The following TMEM178B variants were observed in gnomAD, a reference collection of about 807,000 sequenced individuals.
TMEM178B encodes the protein transmembrane protein 178B.
A neutral mutation model predicts 31.0 loss-of-function variants in TMEM178B; 5 were observed. The observed-to-expected ratio is 0.16, with a 90% confidence interval of 0.08 to 0.34. The LOEUF (loss-of-function observed/expected upper bound fraction) is 0.34, where lower values mean the gene tolerates loss of function less well. TMEM178B is among the 10% of genes least tolerant of loss of function. The pLI is 1.00. For synonymous variants in TMEM178B, 164 were observed against 164.0 expected, an observed-to-expected ratio of 1.00 and a Z score of 0.00; for missense variants, 275 against 400.3, an observed-to-expected ratio of 0.69 and a Z score of 2.67.
intron 2 of TMEM178B, among the ~76,000 whole-genome samples, chr7:141,249,448 A>G (rs927949375): frequency 6.6e-6 from 1 of 152,200 alleles, no homozygotes; most frequent in Non-Finnish European, 1.5e-5. Context: ...ACGTACTTAT[A>G]CAGTAAATTG....
chr7:141,167,755 A>G (rs926500872), intron 1 of TMEM178B, among the ~76,000 whole-genome samples: 3 of 152,180 alleles, frequency 2.0e-5, no homozygotes, highest in African/African-American at 4.8e-5. Context: ...AAGGCCCTGT[A>G]AAGGAATGCA....
At chr7:141,389,181 C>T (rs1045767164) in intron 2 of TMEM178B, among the ~76,000 whole-genome samples, 3 of 152,180 alleles carry the variant, frequency 2.0e-5, no homozygotes, top group Admixed American at 6.5e-5. Flanking sequence ...GATACCACTA[C>T]TCACGTTAGG....
At position 141,479,070 on chromosome 7, in the gene TMEM178B, A is replaced by G. The variant is rs989949004; in HGVS notation, c.*8284A>G. 8 of 152,180 alleles carry G rather than the reference A, an allele frequency of 5.3e-5. No homozygotes were observed. The highest frequency in any genetic ancestry group is 1.5e-5 in the Non-Finnish European group (1 of 68,058). The allele number at this position is 152,180 out of a possible 1,614,324, so 9.4% of individuals were successfully genotyped here. The stretch of plus-strand genomic sequence containing the variant: ...AGAGGGTGTCGGCGCTGCCCCAGTC[A>G]TGTCCCTTATGACCTGTCCAAGTCC... On this transcript the variant is annotated 3_prime_UTR_variant, in exon 4 of 4. Transcript: ENST00000565468.
intron 3 of TMEM178B, among the ~76,000 whole-genome samples, chr7:141,463,615 G>T (rs1347293987): frequency 6.6e-6 from 1 of 152,256 alleles, no homozygotes; most frequent in Non-Finnish European, 1.5e-5. Context: ...ACCACTGGGG[G>T]AGATGCTACT....
At chr7:141,191,428 C>T (rs993164362) in intron 1 of TMEM178B, among the ~76,000 whole-genome samples, 1 of 152,164 alleles carries the variant, frequency 6.6e-6, no homozygotes, top group Non-Finnish European at 1.5e-5. Context: ...ATGGATTGCC[C>T]TCTAGAGAGG....
At chr7:141,346,236 A>G (rs1024234003) in intron 2 of TMEM178B, among the ~76,000 whole-genome samples, 2 of 152,112 alleles carry the variant, frequency 1.3e-5, no homozygotes, top group Non-Finnish European at 2.9e-5. Context: ...AACAAACAAA[A>G]AAAACCAAAA....
At chr7:141,346,108 C>A (rs1411534943) in intron 2 of TMEM178B, among the ~76,000 whole-genome samples, 2 of 151,948 alleles carry the variant, frequency 1.3e-5, no homozygotes, top group African/African-American at 4.8e-5. Context: ...GTAGTCCCAG[C>A]TACTCGGGAG....
chr7:141,420,715 G>A (rs955566607), intron 2 of TMEM178B, among the ~76,000 whole-genome samples: 7 of 152,198 alleles, frequency 4.6e-5, no homozygotes, highest in African/African-American at 1.7e-4. Context: ...TCCCAGGTTT[G>A]TGGGAGGTAC....
chr7:141,179,992 A>G (rs903986528), intron 1 of TMEM178B, among the ~76,000 whole-genome samples: 1 of 152,052 alleles, frequency 6.6e-6, no homozygotes, highest in Non-Finnish European at 1.5e-5. Flanking sequence ...CACCTCCATC[A>G]CGTCTTCCAT....
At chr7:141,284,407 C>T (rs1279777789) in intron 2 of TMEM178B, among the ~76,000 whole-genome samples, 1 of 152,112 alleles carries the variant, frequency 6.6e-6, no homozygotes, top group Non-Finnish European at 1.5e-5. Flanking sequence ...GGGATGATAC[C>T]TCAGTCTGTT....
intron 2 of TMEM178B, among the ~76,000 whole-genome samples, chr7:141,248,803 T>C (rs1797782000): frequency 6.6e-6 from 1 of 152,222 alleles, no homozygotes; most frequent in African/African-American, 2.4e-5. Flanking sequence ...ACTGTAGGCT[T>C]CATAAGCACG....
rs576223490 is a variant in TMEM178B, at chr7:141,289,614, C to T, written c.496+76910C>T. On this transcript the variant is annotated intron_variant, in intron 2 of 3. Transcript: ENST00000565468. Reference sequence around the variant, plus strand: ...CCTGTAATCCCAACTATTCGGGAGGCTGAGGCAGGAGAATCACTTGAACCC... The same window carrying T: ...CCTGTAATCCCAACTATTCGGGAGGTTGAGGCAGGAGAATCACTTGAACCC... Among the ~76,000 whole-genome samples the T allele has an allele frequency of 1.5e-3, 224 of 149,846 alleles. 1 individual carries two copies. Among genetic ancestry groups the T allele is most frequent in the Middle Eastern group, 3.5e-3 (1 of 284 alleles).
chr7:141,431,544 G>A (rs1440384909), intron 2 of TMEM178B, among the ~76,000 whole-genome samples: 1 of 152,122 alleles, frequency 6.6e-6, no homozygotes, highest in East Asian at 1.9e-4. Flanking sequence ...TCAAAAATTA[G>A]AATGTTAAAC....
intron 2 of TMEM178B, among the ~76,000 whole-genome samples, chr7:141,287,318 G>T (rs1427852890): frequency 1.3e-5 from 2 of 151,998 alleles, no homozygotes; most frequent in Non-Finnish European, 2.9e-5. Context: ...TTTATTATTG[G>T]TCTTATTTAT....
intron 1 of TMEM178B, among the ~76,000 whole-genome samples, chr7:141,158,694 C>T (rs770361151): frequency 2.6e-5 from 4 of 152,128 alleles, no homozygotes; most frequent in Non-Finnish European, 5.9e-5. Flanking sequence ...CTAGATCTCA[C>T]GCTGTCCTCT....
chr7:141,151,013 A>G (rs145561302), intron 1 of TMEM178B, among the ~76,000 whole-genome samples: 1 of 152,352 alleles, frequency 6.6e-6, no homozygotes, highest in African/African-American at 2.4e-5. Flanking sequence ...TAAAATACAG[A>G]AGGTACATCT....
rs970619470 is a variant in TMEM178B at position 141,344,618 on chromosome 7, T to TCCTC, written c.497-92987_497-92986insCCCT. On this transcript the variant is annotated intron_variant, in intron 2 of 3. Transcript: ENST00000565468. The surrounding 1 kb of genome is among the most constrained non-coding windows in gnomAD (Gnocchi z 4.1). ...TTCCTTCCTTCCTTCCTTCCTTCCT[T>TCCTC]CCTTCCTTCCTCCCTTCCTTCTTCC... Among the ~76,000 whole-genome samples, 2 of 147,034 alleles carry TCCTC rather than the reference T, an allele frequency of 1.4e-5. No individual in the cohort carries two copies. Among genetic ancestry groups the TCCTC allele is most frequent in the African/African-American group, 5.1e-5 (2 of 39,180 alleles).
rs185835350 is a variant in TMEM178B at position 141,201,725 on chromosome 7, C to T, written c.383-10866C>T. On this transcript the variant is annotated intron_variant, in intron 1 of 3. Coordinates refer to ENST00000565468, the MANE Select transcript of TMEM178B (RefSeq NM_001195278.2). ...GATGCGGGCTAGTGAGCACTCTGAG[C>T]TCTCCTTCACTTCTGTGCTCTGTGT... Among the ~76,000 whole-genome samples the T allele has an allele frequency of 2.6e-4, 40 of 152,264 alleles. 1 individual carries two copies. The East Asian group carries it at 6.4e-3, about 24-fold the overall frequency.
At chr7:141,379,679 A>G (rs2116584704) in intron 2 of TMEM178B, among the ~76,000 whole-genome samples, 1 of 152,316 alleles carries the variant, frequency 6.6e-6, no homozygotes, top group South Asian at 2.1e-4. Context: ...GAATCCTTTC[A>G]TGATATTTAG....
Sources: gnomAD v4.1 joint callset for allele counts (sites outside exome capture counted in the v4.1 genomes callset) on GRCh38, gnomAD v4.1.1 for gene constraint, Gnocchi (gnomAD v3.1) non-coding constraint, MANE v1.5 for transcripts, NCBI Gene and HGNC (gene_info 2026-07-23, HGNC 2026-07-21) for gene names.